Variants in GNL2 observed in about 807,000 individuals in gnomAD.
GNL2 encodes nucleolar GTP-binding protein 2.
Under a neutral mutation model 92.3 loss-of-function variants are expected in GNL2, and 51 were observed. The observed-to-expected ratio is 0.55, with a 90% confidence interval of 0.44 to 0.70. The LOEUF (loss-of-function observed/expected upper bound fraction) is 0.70. GNL2 is among the 30% of genes least tolerant of loss of function. The pLI, the probability that GNL2 is intolerant of heterozygous loss-of-function variation, is 0.00. For synonymous variants in GNL2, 283 were observed against 300.6 expected (o/e 0.94, Z 0.61); for missense variants, 844 against 895.6 (o/e 0.94, Z 0.74).
rs536623235 is a variant in GNL2 at position 37,575,821 on chromosome 1, C to T, written c.1039-122G>A. On this transcript the variant is annotated intron_variant, in intron 9 of 15. Transcript: ENST00000373062. This position sits in a 1 kb window ranked among gnomAD's most constrained non-coding sequence, Gnocchi z 4.1. ...AGGGGTGAGTCAAAGAAAAGCAACGCGCTAAGTAATTAAGCTACTAACTCT... is the reference window on the plus strand; with the variant it reads ...AGGGGTGAGTCAAAGAAAAGCAACGTGCTAAGTAATTAAGCTACTAACTCT... The T allele has an allele frequency of 3.1e-5, 19 of 618,866 alleles. No individual in the cohort carries two copies. Among genetic ancestry groups the T allele is most frequent in the Non-Finnish European group, 4.3e-5 (15 of 352,118 alleles). The allele number at this position is 618,866 out of a possible 1,614,324, so 38.3% of individuals were successfully genotyped here. A position where few individuals can be genotyped will look rare whatever the true frequency, so the allele number is the denominator to read the frequency against.
rs1643664422 is a variant in GNL2, at chr1:37,575,522, G to C, written c.1143+73C>G. 3 of 829,622 alleles carry C rather than the reference G, an allele frequency of 3.6e-6. No individual in the cohort carries two copies. The highest frequency in any genetic ancestry group is 2.2e-5 in the South Asian group (1 of 46,262). The allele number at this position is 829,622 out of a possible 1,614,324, so 51.4% of individuals were successfully genotyped here. A position where few individuals can be genotyped will look rare whatever the true frequency, so the allele number is the denominator to read the frequency against. On this transcript the variant is annotated intron_variant, in intron 10 of 15. Transcript: ENST00000373062. This position sits in a 1 kb window ranked among gnomAD's most constrained non-coding sequence, Gnocchi z 4.1. ...AAACTGCCTTCTTAATAAGTAAAAAGGAAAGGTATCCAGGGTTCCCTATAG... is the reference window on the plus strand; with the variant it reads ...AAACTGCCTTCTTAATAAGTAAAAACGAAAGGTATCCAGGGTTCCCTATAG...
Position 37,582,340 on chromosome 1 carries a change from G to C in GNL2, c.796-4C>G, listed in dbSNP as rs1643783724. 6.3e-7 allele frequency: 1 copy of C among 1,589,814 alleles called. No individual in the cohort carries two copies. The highest frequency in any genetic ancestry group is 8.6e-7 in the Non-Finnish European group (1 of 1,163,336). On this transcript the variant is annotated splice_region_variant and splice_polypyrimidine_tract_variant and intron_variant, in intron 7 of 15. Transcript: ENST00000373062. ...AGAGGACAGCAACCCACCGTTTCTA[G>C]AAGGAGAGATGAAAACATTTTGGTA...
rs548172603 is a variant in GNL2 at position 37,567,195 on chromosome 1, T to C, written c.2044-188A>G. On this transcript the variant is annotated intron_variant, in intron 15 of 15. Coordinates refer to ENST00000373062, the MANE Select transcript of GNL2 (RefSeq NM_013285.3). Reference sequence around the variant, plus strand: ...AAGGTTACTCTTCCATTGTGACTTATGCAACTCCAAGTTACAAATCCACAT... The same window carrying C: ...AAGGTTACTCTTCCATTGTGACTTACGCAACTCCAAGTTACAAATCCACAT... 1.1e-4 allele frequency among the ~76,000 whole-genome samples: 16 copies of C among 152,316 alleles called. No individual in the cohort carries two copies. The East Asian group carries it at 1.2e-3, about 11-fold the overall frequency.
Position 37,569,123 on chromosome 1 carries a change from G to C in GNL2, c.1596C>G (p.Asn532Lys), listed in dbSNP as rs745433691. ...GAGGCACCACGTTGATTTTACCAAA[G>C]TTCTGCCGAACTCGTGTGAGAATCT... is the stretch of plus-strand genomic sequence containing the variant. The part of the protein sequence containing the change: ...MQQILTRVRQ[N>K]FGKINVVPQF... Residue 532 changes from asparagine to lysine, a missense_variant, in exon 13 of 16, where the codon AAC becomes AAG. Physicochemically the swap from Asn to Lys is moderately conservative, Grantham distance 94. Transcript: ENST00000373062. 6.2e-7 allele frequency: 1 copy of C among 1,614,194 alleles called. No individual in the cohort carries two copies. Among genetic ancestry groups the C allele is most frequent in the East Asian group, 2.2e-5 (1 of 44,886 alleles).
intron 4 of GNL2, among the ~76,000 whole-genome samples, chr1:37,588,939 C>A (rs1244228736): frequency 6.6e-6 from 1 of 152,214 alleles, no homozygotes; most frequent in African/African-American, 2.4e-5. Context: ...GGTGCAACTG[C>A]AGACCCTTCA....
In GNL2 at chr1:37,588,102, G is replaced by A. The variant is rs868623221; in HGVS notation, c.385-607C>T. ...TATTAAATGCACATGGCAAGTCTTC[G>A]GATGAAAAACATCTAGCAAAAGTCC... On this transcript the variant is annotated intron_variant, in intron 4 of 15. Coordinates refer to ENST00000373062, the MANE Select transcript of GNL2 (RefSeq NM_013285.3). 2.6e-5 allele frequency among the ~76,000 whole-genome samples: 4 copies of A among 151,908 alleles called. No homozygotes were observed. In the East Asian group the frequency reaches 5.8e-4, roughly 22 times the overall value.
In GNL2 at chr1:37,569,162, G is replaced by T; in HGVS notation, c.1557C>A (p.Asn519Lys). Residue 519 changes from asparagine (N) to lysine (K), a missense_variant, in exon 13 of 16, where the codon AAC becomes AAA. Coordinates refer to ENST00000373062, the MANE Select transcript of GNL2 (RefSeq NM_013285.3). ...GTGTGAGAATCTGCTGCATCTCTGT[G>T]TTAGCATCACAGTGACTGTTCTCTT... ...ETEENSHCDA[N>K]TEMQQILTRV... 1 of 1,614,162 alleles carries T rather than the reference G, an allele frequency of 6.2e-7. No individual in the cohort carries two copies. The highest frequency in any genetic ancestry group is 8.5e-7 in the Non-Finnish European group (1 of 1,180,010).
rs1282398024 is a variant in GNL2 at position 37,575,554 on chromosome 1, C to T, written c.1143+41G>A. On this transcript the variant is annotated intron_variant, in intron 10 of 15. Transcript: ENST00000373062. The surrounding 1 kb of genome is among the most constrained non-coding windows in gnomAD (Gnocchi z 4.1). ...TATCCAGGGTTCCCTATAGAACACT[C>T]CCCCGCAAACACAAACAGCCTATCA... The T allele has an allele frequency of 1.4e-5, 17 of 1,220,234 alleles. No individual in the cohort carries two copies. The highest frequency in any genetic ancestry group is 2.3e-5 in the Admixed American group (1 of 42,560). The allele number at this position is 1,220,234 out of a possible 1,614,324, so 75.6% of individuals were successfully genotyped here.
At chr1:37,572,035 G>A (rs961529539) in intron 12 of GNL2, among the ~76,000 whole-genome samples, 9 of 151,992 alleles carry the variant, frequency 5.9e-5, no homozygotes, top group African/African-American at 2.2e-4. Context: ...TGTTCCCCTT[G>A]CCTGGAACAT....
At chr1:37,567,033 A>G in intron 15 of GNL2, 26 bp from the exon 16 acceptor site, 1 of 1,601,896 alleles carries the variant, frequency 6.2e-7, no homozygotes, top group Non-Finnish European at 8.5e-7. Flanking sequence ...AGAAAAGATG[A>G]AGAAAAAAAA....
chr1:37,577,137 A>G (rs1489490265), intron 8 of GNL2, among the ~76,000 whole-genome samples: 3 of 151,942 alleles, frequency 2.0e-5, no homozygotes, highest in Non-Finnish European at 2.9e-5. Flanking sequence ...AAAAGAAGAA[A>G]AACAGCTTGT....
Position 37,569,335 on chromosome 1 carries a change from G to C in GNL2, c.1417-33C>G, listed in dbSNP as rs114625467. ...GGGGTGGAAATGGGGGAAATAAATA[G>C]AATCAGAAAATGAAAAATGGAATTT... On this transcript the variant is annotated intron_variant, in intron 12 of 15. Coordinates refer to ENST00000373062, the MANE Select transcript of GNL2 (RefSeq NM_013285.3). 1.2e-3 allele frequency: 1,724 copies of C among 1,406,228 alleles called. 16 individuals carry two copies. In the African/African-American group the frequency reaches 0.019, roughly 15 times the overall value. 87.1% of individuals were successfully genotyped at this position (1,406,228 alleles called of 1,614,324 possible). A position where few individuals can be genotyped will look rare whatever the true frequency, so the allele number is the denominator to read the frequency against.
rs142695340 is a variant in GNL2, at chr1:37,574,776, T to C, written c.1191A>G (p.Val397=). The change falls in exon 11 of 16, where the codon GTA becomes GTG. Residue 397 remains valine, a synonymous_variant. Transcript: ENST00000373062. ...IKSPEDHIGA[V]LERAKPEYIS... ...TATATTCTGGCTTTGCTCGTTCAAGTACAGCACCAATGTGGTCTTCAGGAC... is the reference window on the plus strand; with the variant it reads ...TATATTCTGGCTTTGCTCGTTCAAGCACAGCACCAATGTGGTCTTCAGGAC... 3 of 1,613,402 alleles carry C rather than the reference T, an allele frequency of 1.9e-6. No homozygotes were observed. Among genetic ancestry groups the C allele is most frequent in the Admixed American group, 1.7e-5 (1 of 60,024 alleles).
intron 8 of GNL2, among the ~76,000 whole-genome samples, chr1:37,579,503 C>T (rs1418859120): frequency 4.0e-5 from 6 of 149,932 alleles, no homozygotes; most frequent in African/African-American, 1.2e-4. Context: ...GCCGAGATCG[C>T]GCCATTGCAC....
At chr1:37,580,669 G>A (rs1643752440) in intron 8 of GNL2, among the ~76,000 whole-genome samples, 1 of 152,250 alleles carries the variant, frequency 6.6e-6, no homozygotes, top group Non-Finnish European at 1.5e-5. Context: ...AGAGCGGCCA[G>A]CCCTGCGGAG....
intron 12 of GNL2, among the ~76,000 whole-genome samples, chr1:37,572,695 G>A (rs1162318790): frequency 6.6e-6 from 1 of 152,106 alleles, no homozygotes; most frequent in African/African-American, 2.4e-5. Context: ...ATCATAAACC[G>A]TTAATTGTAA....
At chr1:37,583,016 T>G (rs748779253) in intron 6 of GNL2, 80 bp from the exon 7 acceptor site, 3 of 927,782 alleles carry the variant, frequency 3.2e-6, no homozygotes, top group Non-Finnish European at 4.8e-6. Context: ...CTGGGAAAAA[T>G]AAAATAATAA....
chr1:37,592,565 T>C, intron 3 of GNL2, 147 bp downstream of exon 3: 1 of 587,772 alleles, frequency 1.7e-6, no homozygotes. Context: ...ACCACTACTT[T>C]TCCCAGTAAT....
At chr1:37,591,657 CACA>C (rs560019224) in intron 3 of GNL2, among the ~76,000 whole-genome samples, 273 of 152,126 alleles carry the variant, frequency 1.8e-3, no homozygotes, top group African/African-American at 6.2e-3. Flanking sequence ...AGGTGCCCAC[CACA>C]ACACCTGGCT....
Sources: allele counts gnomAD v4.1 joint callset (sites outside exome capture counted in the v4.1 genomes callset), GRCh38; gene constraint gnomAD v4.1.1; non-coding constraint Gnocchi (gnomAD v3.1); transcripts MANE v1.5; gene names NCBI Gene and HGNC (gene_info 2026-07-23, HGNC 2026-07-21).